Variants in LMTK3 observed in about 807,000 individuals in gnomAD.
LMTK3 encodes serine/threonine-protein kinase LMTK3.
In LMTK3, 27 loss-of-function variants were observed where a neutral mutation model predicts 116.7. That is an observed-to-expected ratio of 0.23 (90% CI 0.17 to 0.32). The LOEUF (loss-of-function observed/expected upper bound fraction) is 0.32, where lower values mean the gene tolerates loss of function less well. LMTK3 is among the 10% of genes least tolerant of loss of function. The pLI is 1.00. For missense variants in LMTK3, 1,764 were observed against 2,068.5 expected, an observed-to-expected ratio of 0.85 and a Z score of 2.86; for synonymous variants, 965 against 971.0, an observed-to-expected ratio of 0.99 and a Z score of 0.11.
Position 48,498,466 on chromosome 19 carries a change from T to C in LMTK3, c.2603A>G (p.Glu868Gly), listed in dbSNP as rs1601048317. Residue 868 changes from glutamate (E) to glycine (G), a missense_variant, in exon 11 of 15, where the codon GAG (glutamate) becomes GGG (glycine). Around this residue, in one of 7 missense-constraint regions of LMTK3, gnomAD observed 1,028 missense variants for 1,050.6 expected, o/e 0.98. Transcript: ENST00000600059. The stretch of plus-strand genomic sequence containing the variant: ...CCCCAGGAGGTTCCTTGTCACATCC[T>C]CCCGCAGGGACATCAGCAGCTGTTC... ...STEQLLMSLR[E>G]DVTRNLLGEK... 6.2e-7 allele frequency: 1 copy of C among 1,602,128 alleles called. No individual in the cohort carries two copies. The highest frequency in any genetic ancestry group is 1.7e-5 in the Admixed American group (1 of 58,468).
chr19:48,502,813 T>G, intron 6 of LMTK3, 96 bp downstream of exon 6: 1 of 953,950 alleles, frequency 1.0e-6, no homozygotes, highest in Non-Finnish European at 1.6e-6. Context: ...TCTACGATGA[T>G]GATGATGATG....
chr19:48,508,951 A>C lies in LMTK3; in HGVS notation c.457T>G (p.Phe153Val), dbSNP rs1972613051. The C allele has an allele frequency of 6.2e-7, 1 of 1,609,900 alleles. No individual in the cohort carries two copies. The highest frequency in any genetic ancestry group is 1.3e-5 in the African/African-American group (1 of 74,938). Residue 153 changes from phenylalanine (F) to valine (V), a missense_variant, in exon 5 of 15, where the codon TTC becomes GTC. Physicochemically the swap from Phe to Val is conservative, Grantham distance 50. Around this residue, in one of 7 missense-constraint regions of LMTK3, gnomAD observed 271 missense variants for 478.2 expected, o/e 0.57. Coordinates refer to ENST00000600059, the MANE Select transcript of LMTK3 (RefSeq NM_001388485.1). ...ACCTGGGCGGGGGTGTAGTCGGAGAAAATCTCTCCCAGGATCACCTGGTCA... is the reference window on the plus strand; with the variant it reads ...ACCTGGGCGGGGGTGTAGTCGGAGACAATCTCTCCCAGGATCACCTGGTCA... ...WFGKVILGEI[F>V]SDYTPAQVVV... is the part of the protein sequence containing the mutation.
intron 5 of LMTK3, among the ~76,000 whole-genome samples, chr19:48,504,299 C>T (rs751028317): frequency 2.6e-5 from 4 of 152,196 alleles, no homozygotes; most frequent in Non-Finnish European, 5.9e-5. Context: ...GGATACCCTC[C>T]CCTTTACCCT....
At position 48,493,724 on chromosome 19, in the gene LMTK3, G is replaced by T. The variant is rs778259040; in HGVS notation, c.4062C>A (p.His1354Gln). 3.8e-6 allele frequency: 6 copies of T among 1,577,062 alleles called. No individual in the cohort carries two copies. Residue 1354 changes from histidine to glutamine, a missense_variant, in exon 12 of 15, where the codon CAC becomes CAA. By Grantham distance (24) the His-to-Gln change is conservative (BLOSUM62 0). Around this residue, in one of 7 missense-constraint regions of LMTK3, gnomAD observed 281 missense variants for 301.4 expected, o/e 0.93. Coordinates refer to ENST00000600059, the MANE Select transcript of LMTK3 (RefSeq NM_001388485.1). Reference sequence around the variant, plus strand: ...CGAAGAGGTAGACGGTCACGTCCCCGTGGAAGGAGACCATCTTGCGCTTCC... The same window carrying T: ...CGAAGAGGTAGACGGTCACGTCCCCTTGGAAGGAGACCATCTTGCGCTTCC... ...LERKRKMVSF[H>Q]GDVTVYLFDQ...
chr19:48,497,411 T>TC lies in LMTK3; in HGVS notation c.3657dup (p.Asn1220GlufsTer320). 1 of 1,527,830 alleles carries TC rather than the reference T, an allele frequency of 6.5e-7. No homozygotes were observed. Among genetic ancestry groups the TC allele is most frequent in the Non-Finnish European group, 8.8e-7 (1 of 1,141,050 alleles). The allele number at this position is 1,527,830 out of a possible 1,614,324, so 94.6% of individuals were successfully genotyped here. On this transcript the variant is annotated frameshift_variant, in exon 11 of 15. Coordinates refer to ENST00000600059, the MANE Select transcript of LMTK3 (RefSeq NM_001388485.1). LOFTEE classifies it high-confidence loss of function. The surrounding 1 kb of genome is among the most constrained non-coding windows in gnomAD (Gnocchi z 5.7). ...TCCTCACCTTTGATCTGCTCGCTGT[T>TC]CCCCTGAGGGGGTCCCAAGTCCAAG... is the stretch of plus-strand genomic sequence containing the variant.
chr19:48,509,063 G>A (rs1179482122), intron 4 of LMTK3, 94 bp from the exon 5 acceptor site: 5 of 805,040 alleles, frequency 6.2e-6, no homozygotes, highest in Non-Finnish European at 9.9e-6. Context: ...CCCAACCCCC[G>A]GCTCCTTCCC....
chr19:48,512,028 C>G (rs1030120266), upstream of LMTK3, among the ~76,000 whole-genome samples: 1 of 122,340 alleles, frequency 8.2e-6, no homozygotes, highest in Non-Finnish European at 1.6e-5. Context: ...GAGGGACAGA[C>G]AGGGACCGGC....
intron 14 of LMTK3, among the ~76,000 whole-genome samples, chr19:48,488,983 C>G (rs1972173266): frequency 6.6e-6 from 1 of 152,170 alleles, no homozygotes; most frequent in African/African-American, 2.4e-5. Flanking sequence ...AGGTGATCTG[C>G]CTGCCTTGGC....
Position 48,507,930 on chromosome 19 carries a change from C to T in LMTK3, c.557+921G>A, listed in dbSNP as rs114995223. Among the ~76,000 whole-genome samples, 246 of 152,236 alleles carry T rather than the reference C, an allele frequency of 1.6e-3. 1 individual carries two copies. The highest frequency in any genetic ancestry group is 5.6e-3 in the African/African-American group (234 of 41,526). On this transcript the variant is annotated intron_variant, in intron 5 of 14. Coordinates refer to ENST00000600059, the MANE Select transcript of LMTK3 (RefSeq NM_001388485.1). ...ATGACGGGGTGAAGCACCCCAGGAC[C>T]CTCTTTGGAAGGAGGGGAGGAGTAA...
intron 12 of LMTK3, 86 bp downstream of exon 12, chr19:48,493,608 C>G: frequency 7.1e-7 from 1 of 1,405,342 alleles, no homozygotes; most frequent in Non-Finnish European, 9.4e-7. Flanking sequence ...ACTCTAAGCT[C>G]GGCCTCCCGC....
chr19:48,498,695 C>A lies in LMTK3; in HGVS notation c.2374G>T (p.Asp792Tyr). Residue 792 changes from aspartate (D) to tyrosine (Y), a missense_variant, in exon 11 of 15, where the codon GAC becomes TAC. Coordinates refer to ENST00000600059, the MANE Select transcript of LMTK3 (RefSeq NM_001388485.1). ...GGGGTCTCGGTCTCGTAGCCGCTGT[C>A]CCCCGGCTTGGGGCCCGGCGACGAG... is the stretch of plus-strand genomic sequence containing the variant. Reference protein sequence around the residue: ...GLSSPGPKPGDSGYETETPFS... With the variant: ...GLSSPGPKPGYSGYETETPFS... 1 of 1,535,024 alleles carries A rather than the reference C, an allele frequency of 6.5e-7. No individual in the cohort carries two copies. Among genetic ancestry groups the A allele is most frequent in the African/African-American group, 1.4e-5 (1 of 72,860 alleles).
intron 12 of LMTK3, among the ~76,000 whole-genome samples, chr19:48,492,217 G>C (rs1342732383): frequency 5.3e-5 from 8 of 152,170 alleles, no homozygotes; most frequent in East Asian, 1.9e-4. Context: ...TTTAGACAGA[G>C]TCTCACTGTC....
chr19:48,486,196 A>C (rs1972121894), intron 14 of LMTK3, among the ~76,000 whole-genome samples: 1 of 147,630 alleles, frequency 6.8e-6, no homozygotes, highest in Non-Finnish European at 1.5e-5. Flanking sequence ...AGTAGCTGGG[A>C]CTACAGGCGC....
rs201633938 is a variant in LMTK3 at position 48,491,067 on chromosome 19, A to G, written c.4366+41T>C. The G allele has an allele frequency of 1.6e-4, 209 of 1,286,408 alleles. No individual in the cohort carries two copies. The East Asian group carries it at 4.7e-3, about 29-fold the overall frequency. 79.7% of individuals were successfully genotyped at this position (1,286,408 alleles called of 1,614,324 possible). On this transcript the variant is annotated intron_variant, in intron 14 of 14. Transcript: ENST00000600059. The surrounding 1 kb of genome is among the most constrained non-coding windows in gnomAD (Gnocchi z 5.1). ...AGTTGGCAGTGGAACATAGGGGGAC[A>G]GAGATGGGCAGAGGAGGGGGCAGGG...
chr19:48,509,229 A>C (rs1972617489), intron 4 of LMTK3, among the ~76,000 whole-genome samples: 1 of 138,388 alleles, frequency 7.2e-6, no homozygotes, highest in Non-Finnish European at 1.6e-5. Flanking sequence ...TGGTCAATGG[A>C]GTGAGGAGGG....
chr19:48,510,276 C>T, intron 2 of LMTK3, 103 bp from the exon 3 acceptor site: 2 of 1,444,088 alleles, frequency 1.4e-6, no homozygotes, highest in Middle Eastern at 1.9e-4. Context: ...GTAACTGTCT[C>T]CCAGTCCCAG....
At chr19:48,493,518 C>T (rs1354681568) in intron 12 of LMTK3, among the ~76,000 whole-genome samples, 176 bp downstream of exon 12, 2 of 145,838 alleles carry the variant, frequency 1.4e-5, no homozygotes, top group Admixed American at 6.7e-5. Context: ...CGGCCTCCCT[C>T]CAGGCCCCGC....
upstream of LMTK3, chr19:48,513,017 C>A (rs1239200018): frequency 1.2e-6 from 1 of 802,904 alleles, no homozygotes; most frequent in Non-Finnish European, 2.1e-6. This position sits in a 1 kb window ranked among gnomAD's most constrained non-coding sequence, Gnocchi z 5.6. Context: ...AGACACAGAA[C>A]CCCACCACAG....
At chr19:48,493,466 A>T (rs1345644240) in intron 12 of LMTK3, among the ~76,000 whole-genome samples, 1 of 78,608 alleles carries the variant, frequency 1.3e-5, no homozygotes, top group Admixed American at 1.6e-4. Context: ...GCCCCGCATC[A>T]CTCCAGCTCG....
Sources: allele counts gnomAD v4.1 joint callset (sites outside exome capture counted in the v4.1 genomes callset), GRCh38; gene constraint gnomAD v4.1.1; regional missense constraint gnomAD v4.1.1; non-coding constraint Gnocchi (gnomAD v3.1); transcripts MANE v1.5; gene names NCBI Gene and HGNC (gene_info 2026-07-23, HGNC 2026-07-21).